TAF7L: variants seen among roughly 807,000 people sequenced by gnomAD.
The protein encoded by TAF7L is transcription initiation factor TFIID subunit 7-like.
A neutral mutation model predicts 30.2 loss-of-function variants in TAF7L; 6 were observed. The observed-to-expected ratio is 0.20, with a 90% CI of 0.11 to 0.39. The LOEUF (loss-of-function observed/expected upper bound fraction) is 0.39, where lower values mean the gene tolerates loss of function less well. TAF7L is among the 10% of genes least tolerant of loss of function. The pLI is 1.00. For synonymous variants in TAF7L, 93 were observed against 94.5 expected (o/e 0.98, Z 0.09); for missense variants, 284 against 277.1 (o/e 1.03, Z -0.18).
At chrX:101,277,149 C>A in intron 9 of TAF7L, among the ~76,000 whole-genome samples, 1 of 39,688 alleles carries the variant, frequency 2.5e-5, no homozygotes, top group Non-Finnish European at 3.8e-5. Context: ...GAGACTCTGT[C>A]TCAAAAAAAA....
upstream of TAF7L, among the ~76,000 whole-genome samples, chrX:101,292,196 G>A (rs1924835368): frequency 2.1e-5 from 2 of 94,832 alleles, no homozygotes; most frequent in Admixed American, 1.1e-4. Flanking sequence ...CCGAGATCCC[G>A]CCACTGCACT....
chrX:101,286,805 T>G, intron 2 of TAF7L, 152 bp from the exon 3 acceptor site: 29 of 373,865 alleles, frequency 7.8e-5, no homozygotes, highest in Non-Finnish European at 7.4e-5. Flanking sequence ...TACTGTGCAC[T>G]GTATAAGTCA....
chrX:101,277,962 G>A, intron 8 of TAF7L, 87 bp downstream of exon 8: 1 of 808,351 alleles, frequency 1.2e-6, no homozygotes. Flanking sequence ...CATCAAGACT[G>A]GCACACAAAC....
At position 101,282,422 on chromosome X, in the gene TAF7L, T is replaced by C; in HGVS notation, c.311A>G (p.His104Arg). 4.1e-6 allele frequency: 5 copies of C among 1,210,882 alleles called. No individual in the cohort carries two copies. Among genetic ancestry groups the C allele is most frequent in the Non-Finnish European group, 5.6e-6 (5 of 895,049 alleles). Reference sequence around the variant, plus strand: ...GGCAGCTGGTTCTTCTGGAGAAAGGTGGATATCACCATCAGCAGTGCACAC... The same window carrying C: ...GGCAGCTGGTTCTTCTGGAGAAAGGCGGATATCACCATCAGCAGTGCACAC... Reference protein sequence around the residue: ...MLVCTADGDIHLSPEEPAAST... With the variant: ...MLVCTADGDIRLSPEEPAAST... The change falls in exon 5 of 13, where the codon CAC (histidine) becomes CGC (arginine). Residue 104 changes from histidine to arginine, a missense_variant. Coordinates refer to ENST00000356784, the MANE Select transcript of TAF7L (RefSeq NM_001168474.2).
intron 5 of TAF7L, 107 bp downstream of exon 5, chrX:101,282,220 A>C: frequency 1.9e-6 from 2 of 1,047,805 alleles, no homozygotes; most frequent in Non-Finnish European, 2.6e-6. Context: ...CTGAGAACCT[A>C]ATGAACCAAA....
chrX:101,282,510 C>T, intron 4 of TAF7L, 57 bp from the exon 5 acceptor site: 1 of 1,156,176 alleles, frequency 8.6e-7, no homozygotes, highest in Non-Finnish European at 1.2e-6. Flanking sequence ...GGTTAGCAAT[C>T]ATAATCATTC....
intron 3 of TAF7L, among the ~76,000 whole-genome samples, chrX:101,284,236 T>C (rs1924508258): frequency 8.9e-6 from 1 of 112,478 alleles, no homozygotes; most frequent in East Asian, 2.8e-4. Flanking sequence ...TCAATTCTAG[T>C]ATTATGCATA....
intron 11 of TAF7L, 77 bp from the exon 12 acceptor site, chrX:101,275,358 G>A: frequency 1.3e-6 from 1 of 752,544 alleles, no homozygotes; most frequent in Non-Finnish European, 1.9e-6. Flanking sequence ...CAAGGAGTTT[G>A]GCAAATAATT....
chrX:101,275,791 C>T (rs1366552180), intron 11 of TAF7L, among the ~76,000 whole-genome samples: 1 of 111,462 alleles, frequency 9.0e-6, no homozygotes, highest in East Asian at 2.8e-4. Context: ...TCTCATATCA[C>T]CTAGTCCCTT....
At chrX:101,290,775 C>CT (rs1924768023) in intron 1 of TAF7L, among the ~76,000 whole-genome samples, 1 of 111,762 alleles carries the variant, frequency 8.9e-6, no homozygotes, top group African/African-American at 3.3e-5. Context: ...AAAGCATCCA[C>CT]TTTTTTCCAG....
intron 6 of TAF7L, among the ~76,000 whole-genome samples, chrX:101,279,404 G>A (rs887243865): frequency 1.8e-5 from 2 of 111,140 alleles, no homozygotes; most frequent in Non-Finnish European, 3.8e-5. Context: ...GGCGGATCAC[G>A]TGAGGTCAGG....
intron 8 of TAF7L, 60 bp downstream of exon 8, chrX:101,277,989 C>T (rs189669921): frequency 3.4e-5 from 35 of 1,037,750 alleles, no homozygotes; most frequent in Admixed American, 1.8e-4. Context: ...GGTGAGGCTT[C>T]GTCAGCATGT....
intron 3 of TAF7L, 85 bp from the exon 4 acceptor site, chrX:101,283,668 G>A: frequency 2.0e-6 from 2 of 1,013,046 alleles, no homozygotes; most frequent in Non-Finnish European, 2.7e-6. Flanking sequence ...ACTTATGTGG[G>A]ACAGATTAGT....
rs770020614 is a variant in TAF7L, at chrX:101,276,481, CATT to C, written c.736_738del (p.Asn246del). On this transcript the variant is annotated inframe_deletion, in exon 10 of 13. Coordinates refer to ENST00000356784, the MANE Select transcript of TAF7L (RefSeq NM_001168474.2). ...TCATCATCCTCATCCTCATCATCAT[CATT>C]GTTACTTCTAGAATCACTGAACATC... 4.8e-4 allele frequency: 576 copies of C among 1,207,572 alleles called. 1 individual carries two copies. Among genetic ancestry groups the C allele is most frequent in the Middle Eastern group, 9.2e-4 (4 of 4,347 alleles).
chrX:101,272,647 G>A (rs1924004983), intron 12 of TAF7L, among the ~76,000 whole-genome samples: 1 of 111,800 alleles, frequency 8.9e-6, no homozygotes, highest in Non-Finnish European at 1.9e-5. Context: ...GGAGAAGTGG[G>A]GAGTGACTAC....
intron 2 of TAF7L, among the ~76,000 whole-genome samples, chrX:101,287,214 T>C (rs1001764718): frequency 1.8e-5 from 2 of 110,833 alleles, no homozygotes; most frequent in Non-Finnish European, 3.8e-5. Context: ...TTAGTATTGG[T>C]GGTAAGTGAA....
chrX:101,274,861 T>C (rs1013073530), intron 12 of TAF7L, among the ~76,000 whole-genome samples: 3 of 112,565 alleles, frequency 2.7e-5, no homozygotes, highest in African/African-American at 9.7e-5. Flanking sequence ...ACCAGAAATA[T>C]GCTATAGGAA....
rs1923859244 is a variant in TAF7L at position 101,268,402 on chromosome X, G to T, written c.*791C>A. 1 of 111,999 alleles carries T rather than the reference G, an allele frequency of 8.9e-6. No individual in the cohort carries two copies. Among genetic ancestry groups the T allele is most frequent in the Non-Finnish European group, 1.9e-5 (1 of 53,259 alleles). The allele number at this position is 111,999 out of a possible 1,213,427, so 9.2% of individuals were successfully genotyped here. On this transcript the variant is annotated 3_prime_UTR_variant, in exon 13 of 13. Coordinates refer to ENST00000356784, the MANE Select transcript of TAF7L (RefSeq NM_001168474.2). ...GTTCTTCCTAACCTTAACTGATGAGGGTTAGGAGGAGAAGGCTCAGAATAA... is the reference window on the plus strand; with the variant it reads ...GTTCTTCCTAACCTTAACTGATGAGTGTTAGGAGGAGAAGGCTCAGAATAA...
intron 8 of TAF7L, among the ~76,000 whole-genome samples, 158 bp from the exon 9 acceptor site, chrX:101,277,877 A>C (rs768547700): frequency 1.8e-5 from 2 of 111,899 alleles, no homozygotes; most frequent in Non-Finnish European, 1.9e-5. Flanking sequence ...ATATTGAATT[A>C]CACAATAAAT....
Sources: allele counts gnomAD v4.1 joint callset (sites outside exome capture counted in the v4.1 genomes callset), GRCh38; gene constraint gnomAD v4.1.1; transcripts MANE v1.5; gene names NCBI Gene and HGNC (gene_info 2026-07-23, HGNC 2026-07-21).